Variants in STAG1 observed in about 807,000 individuals in gnomAD.
STAG1 encodes cohesin subunit SA-1.
In STAG1, 26 loss-of-function variants were observed where a neutral mutation model predicts 170.9. The observed-to-expected ratio is 0.15, with a 90% CI of 0.11 to 0.21. STAG1 has a LOEUF of 0.21. Ranked by LOEUF, STAG1 falls within the 10% of genes least tolerant of loss-of-function variation. STAG1 has a pLI of 1.00. For synonymous variants in STAG1, 514 were observed against 497.7 expected (o/e 1.03, Z -0.44); for missense variants, 964 against 1,509.5 (o/e 0.64, Z 5.99).
intron 15 of STAG1, among the ~76,000 whole-genome samples, chr3:136,436,148 G>A (rs192434980): frequency 6.6e-6 from 1 of 152,028 alleles, no homozygotes; most frequent in Non-Finnish European, 1.5e-5. Context: ...GAGAGTCGGG[G>A]TTTCACCATG....
chr3:136,486,886 C>T (rs2090023520), intron 9 of STAG1, among the ~76,000 whole-genome samples: 1 of 151,224 alleles, frequency 6.6e-6, no homozygotes, highest in Non-Finnish European at 1.5e-5. Context: ...CCCATATCTA[C>T]ATCTATGCCT....
chr3:136,678,353 C>G (rs558046161), intron 1 of STAG1, among the ~76,000 whole-genome samples: 1 of 150,488 alleles, frequency 6.6e-6, no homozygotes, highest in South Asian at 2.1e-4. Flanking sequence ...AAAATAGTAC[C>G]CAATGATGAA....
chr3:136,623,651 A>C (rs1939962907), intron 2 of STAG1, among the ~76,000 whole-genome samples: 1 of 152,128 alleles, frequency 6.6e-6, no homozygotes, highest in African/African-American at 2.4e-5. Context: ...CAAACACCTA[A>C]GTTATAAGTA....
chr3:136,357,695 A>C (rs1274399186), intron 28 of STAG1, 25 bp downstream of exon 28: 3 of 1,552,330 alleles, frequency 1.9e-6, no homozygotes, highest in Non-Finnish European at 2.6e-6. Context: ...TATAAAAACC[A>C]CTTCTCTTGT....
At chr3:136,732,309 G>A (rs1934089632) in intron 1 of STAG1, among the ~76,000 whole-genome samples, 1 of 149,036 alleles carries the variant, frequency 6.7e-6, no homozygotes, top group African/African-American at 2.5e-5. Flanking sequence ...GGAAAAAGTA[G>A]TAAGCCATCA....
intron 9 of STAG1, among the ~76,000 whole-genome samples, chr3:136,486,618 TG>T (rs1404539969): frequency 1.3e-5 from 2 of 152,190 alleles, no homozygotes; most frequent in African/African-American, 4.8e-5. Flanking sequence ...CACAATTTCA[TG>T]GAAGCAGGCT....
intron 6 of STAG1, among the ~76,000 whole-genome samples, chr3:136,530,978 G>A (rs893908651): frequency 5.9e-5 from 9 of 152,036 alleles, no homozygotes; most frequent in Admixed American, 1.3e-4. Flanking sequence ...GGTCATGGGC[G>A]CCTGTAATCC....
Position 136,369,295 on chromosome 3 carries a change from G to C in STAG1, c.2371-13C>G. The C allele has an allele frequency of 6.4e-7, 1 of 1,563,924 alleles. No individual in the cohort carries two copies. Among genetic ancestry groups the C allele is most frequent in the Non-Finnish European group, 8.6e-7 (1 of 1,164,022 alleles). On this transcript the variant is annotated splice_polypyrimidine_tract_variant and intron_variant, in intron 23 of 33. Coordinates refer to ENST00000383202, the MANE Select transcript of STAG1 (RefSeq NM_005862.3). Reference sequence around the variant, plus strand: ...GTAACATGAAAGCCTGGAATACAAAGGCAATTTATCAGCAAAATATTACAC... The same window carrying C: ...GTAACATGAAAGCCTGGAATACAAACGCAATTTATCAGCAAAATATTACAC...
rs868532985 is a variant in STAG1 at position 136,633,714 on chromosome 3, G to T, written c.-83-2733C>A. The stretch of plus-strand genomic sequence containing the variant: ...AAGTTTCCATATCAAAAAAAAAGGG[G>T]GGGGGGGGGGTCAGGGGCACAGATA... On this transcript the variant is annotated intron_variant, in intron 1 of 33. Transcript: ENST00000383202. Among the ~76,000 whole-genome samples, 17 of 127,538 alleles carry T rather than the reference G, an allele frequency of 1.3e-4. No homozygotes were observed. In the East Asian group the frequency reaches 2.3e-3, roughly 17 times the overall value. 83.7% of individuals were successfully genotyped at this position (127,538 alleles called of 152,430 possible). A position where few individuals can be genotyped will look rare whatever the true frequency, so the allele number is the denominator to read the frequency against.
chr3:136,717,069 C>A (rs1355365278), intron 1 of STAG1, among the ~76,000 whole-genome samples: 1 of 152,178 alleles, frequency 6.6e-6, no homozygotes, highest in Non-Finnish European at 1.5e-5. Flanking sequence ...AACACTTAAT[C>A]GTTTTTGTCT....
chr3:136,711,283 G>A (rs889325998), intron 1 of STAG1, among the ~76,000 whole-genome samples: 14 of 152,072 alleles, frequency 9.2e-5, no homozygotes, highest in African/African-American at 3.4e-4. Flanking sequence ...CTTAGGGGGA[G>A]AAATTAATGC....
intron 3 of STAG1, among the ~76,000 whole-genome samples, chr3:136,622,189 G>C (rs1239461971): frequency 1.3e-5 from 2 of 150,570 alleles, no homozygotes; most frequent in Non-Finnish European, 3.0e-5. Context: ...GCATGATGGT[G>C]AGGGCCTATA....
chr3:136,528,217 G>A (rs888154122), intron 6 of STAG1, among the ~76,000 whole-genome samples: 1 of 152,164 alleles, frequency 6.6e-6, no homozygotes, highest in Non-Finnish European at 1.5e-5. Context: ...TCCTTGAGCT[G>A]TGGTGGGCTC....
chr3:136,646,517 G>C (rs1410296579), intron 1 of STAG1, among the ~76,000 whole-genome samples: 1 of 152,094 alleles, frequency 6.6e-6, no homozygotes, highest in Non-Finnish European at 1.5e-5. Context: ...TACTATCTCA[G>C]AAAATAAGGT....
intron 1 of STAG1, among the ~76,000 whole-genome samples, chr3:136,749,774 A>T (rs1428368115): frequency 6.6e-6 from 1 of 151,830 alleles, no homozygotes; most frequent in African/African-American, 2.4e-5. Flanking sequence ...AACAACTCTA[A>T]GCCTCAGATA....
intron 12 of STAG1, among the ~76,000 whole-genome samples, chr3:136,471,043 T>C (rs933387179): frequency 2.7e-5 from 4 of 150,232 alleles, no homozygotes; most frequent in Non-Finnish European, 5.9e-5. Flanking sequence ...AGTTAGTGAG[T>C]GCAGCACACC....
At chr3:136,528,882 A>G (rs1935215759) in intron 6 of STAG1, among the ~76,000 whole-genome samples, 2 of 152,052 alleles carry the variant, frequency 1.3e-5, no homozygotes, top group Non-Finnish European at 2.9e-5. Flanking sequence ...GTGAGCCAAG[A>G]TCATGCCACT....
chr3:136,580,787 C>T (rs988040360), intron 4 of STAG1, among the ~76,000 whole-genome samples: 3 of 152,012 alleles, frequency 2.0e-5, no homozygotes, highest in Non-Finnish European at 4.4e-5. Context: ...CCCGCCTCGG[C>T]CTCCCAAAGT....
intron 1 of STAG1, among the ~76,000 whole-genome samples, chr3:136,718,634 A>C (rs1933012973): frequency 6.6e-6 from 1 of 152,198 alleles, no homozygotes; most frequent in Non-Finnish European, 1.5e-5. Flanking sequence ...TATTCAGATA[A>C]ATAGAGGTGG....
Sources: gnomAD v4.1 joint callset for allele counts (sites outside exome capture counted in the v4.1 genomes callset) on GRCh38, gnomAD v4.1.1 for gene constraint, MANE v1.5 for transcripts, NCBI Gene and HGNC (gene_info 2026-07-23, HGNC 2026-07-21) for gene names.